The following NBEA variants were observed in gnomAD, a reference collection of about 807,000 sequenced individuals.
The protein encoded by NBEA is neurobeachin.
In NBEA, 44 loss-of-function variants were observed where a neutral mutation model predicts 343.4. The ratio of observed to expected loss-of-function variants is 0.13; its 90% CI spans 0.10 to 0.16. The LOEUF is 0.16. NBEA is among the 10% of genes least tolerant of loss of function. The pLI is 1.00. For missense variants in NBEA, 2,555 were observed against 3,631.3 expected, an observed-to-expected ratio of 0.70 and a Z score of 7.62; for synonymous variants, 1,175 against 1,238.7, an observed-to-expected ratio of 0.95 and a Z score of 1.08.
At chr13:35,359,223 A>G (rs1204797316) in intron 38 of NBEA, among the ~76,000 whole-genome samples, 1 of 152,196 alleles carries the variant, frequency 6.6e-6, no homozygotes, top group Non-Finnish European at 1.5e-5. Flanking sequence ...TAGTCACCTT[A>G]TTTATAGCTG....
At position 35,432,409 on chromosome 13, in the gene NBEA, T is replaced by G; in HGVS notation, c.6304+16T>G. The G allele has an allele frequency of 6.5e-7, 1 of 1,545,056 alleles. No individual in the cohort carries two copies. The highest frequency in any genetic ancestry group is 1.3e-5 in the South Asian group (1 of 79,324). ...ATAGAATATGGTTAGTACCAATGCT[T>G]CTTCCACAAAAATACTTCTGGATGT... is the stretch of plus-strand genomic sequence containing the variant. On this transcript the variant is annotated intron_variant, in intron 39 of 58. Transcript: ENST00000379939.
intron 51 of NBEA, 59 bp downstream of exon 51, chr13:35,646,407 C>A: frequency 8.2e-7 from 1 of 1,225,386 alleles, no homozygotes; most frequent in African/African-American, 1.5e-5. Context: ...GGGAATAGAG[C>A]AAATAAAATT....
chr13:35,040,218 GTTA>G (rs2062599626), intron 1 of NBEA, among the ~76,000 whole-genome samples: 1 of 151,978 alleles, frequency 6.6e-6, no homozygotes, highest in South Asian at 2.1e-4. Context: ...AGTAAAGAGT[GTTA>G]TTATGTTATT....
chr13:35,541,195 C>A (rs2078806836), intron 41 of NBEA, among the ~76,000 whole-genome samples: 1 of 151,896 alleles, frequency 6.6e-6, no homozygotes, highest in Non-Finnish European at 1.5e-5. Flanking sequence ...CCCCCACCCC[C>A]AGCACTGTGT....
At position 35,157,075 on chromosome 13, in the gene NBEA, T is replaced by G; in HGVS notation, c.2652-3T>G. 1 of 1,540,824 alleles carries G rather than the reference T, an allele frequency of 6.5e-7. No homozygotes were observed. The highest frequency in any genetic ancestry group is 2.3e-5 in the East Asian group (1 of 43,216). On this transcript the variant is annotated splice_polypyrimidine_tract_variant and splice_region_variant and intron_variant, in intron 20 of 58. Coordinates refer to ENST00000379939, the MANE Select transcript of NBEA (RefSeq NM_001385012.1). ...TAATGAGATCAAATTTTTTTCTCCC[T>G]AGATGCTTATTGCAGTGTTCAGTGT...
At chr13:35,330,805 A>G (rs1289149947) in intron 36 of NBEA, among the ~76,000 whole-genome samples, 2 of 152,034 alleles carry the variant, frequency 1.3e-5, no homozygotes, top group Middle Eastern at 3.2e-3. Context: ...TAATAGCTAT[A>G]TAGAGGGGAA....
Position 35,022,068 on chromosome 13 carries a change from T to C in NBEA, c.295-18865T>C, listed in dbSNP as rs555051714. 3.9e-5 allele frequency among the ~76,000 whole-genome samples: 6 copies of C among 152,262 alleles called. No individual in the cohort carries two copies. The East Asian group carries it at 1.2e-3, about 29-fold the overall frequency. On this transcript the variant is annotated intron_variant, in intron 1 of 58. Transcript: ENST00000379939. ...TCTTTTTTTGCTTTCATTTATGAAA[T>C]AGATTAGGATTTTTACTTGTTAGAC...
At chr13:35,227,546 G>A (rs529047432) in intron 33 of NBEA, among the ~76,000 whole-genome samples, 97 of 152,012 alleles carry the variant, frequency 6.4e-4, no homozygotes, top group African/African-American at 2.2e-3. Flanking sequence ...TTTCTTTTAT[G>A]TCTGAGTAAA....
rs1031098704 is a variant in NBEA at position 35,215,355 on chromosome 13, C to T, written c.5648+4176C>T. ...AAAACTCTTGTACTTATTTTTATGT[C>T]TTTTTAAATTTTTATGTTTTTCTAA... On this transcript the variant is annotated intron_variant, in intron 33 of 58. Coordinates refer to ENST00000379939, the MANE Select transcript of NBEA (RefSeq NM_001385012.1). Among the ~76,000 whole-genome samples the T allele has an allele frequency of 4.6e-5, 7 of 150,912 alleles. 1 individual carries two copies. In the South Asian group the frequency reaches 1.0e-3, roughly 22 times the overall value.
At chr13:35,549,402 G>T (rs9544614) in intron 41 of NBEA, among the ~76,000 whole-genome samples, 19,860 of 152,118 alleles carry the variant, frequency 0.13, 1,514 homozygotes, top group East Asian at 0.35. Context: ...TATAAGTGCG[G>T]TAGAGTATAC....
intron 1 of NBEA, among the ~76,000 whole-genome samples, chr13:34,987,623 A>G (rs886181727): frequency 6.6e-6 from 1 of 150,940 alleles, no homozygotes; most frequent in Non-Finnish European, 1.5e-5. Flanking sequence ...CATCACTTTT[A>G]GGTACACCAA....
rs73491573 is a variant in NBEA, at chr13:35,036,851, G to A, written c.295-4082G>A. ...CTTACTTTATTCTTGACCTTTGGGC[G>A]CTTGATTACTAAATGTCTTGAGGTA... On this transcript the variant is annotated intron_variant, in intron 1 of 58. Transcript: ENST00000379939. Among the ~76,000 whole-genome samples the A allele has an allele frequency of 6.8e-3, 1,041 of 152,038 alleles. 10 individuals carry two copies. Among genetic ancestry groups the A allele is most frequent in the African/African-American group, 0.022 (914 of 41,486 alleles).
At chr13:34,953,261 T>C (rs534943184) in intron 1 of NBEA, among the ~76,000 whole-genome samples, 15 of 152,352 alleles carry the variant, frequency 9.8e-5, no homozygotes, top group Middle Eastern at 3.4e-3. Flanking sequence ...GATTATAAAA[T>C]GTCATAGAAT....
intron 39 of NBEA, among the ~76,000 whole-genome samples, chr13:35,435,293 G>T (rs139209255): frequency 2.0e-5 from 3 of 152,086 alleles, no homozygotes; most frequent in Non-Finnish European, 4.4e-5. Context: ...GATTACAGGC[G>T]TGAGCCACTG....
At chr13:34,968,208 C>T (rs2059888328) in intron 1 of NBEA, among the ~76,000 whole-genome samples, 1 of 152,130 alleles carries the variant, frequency 6.6e-6, no homozygotes, top group Admixed American at 6.6e-5. Context: ...ACCACCCTCC[C>T]AGCAGATTGA....
rs1197974907 is a variant in NBEA at position 35,339,965 on chromosome 13, A to T, written c.5904-9143A>T. Among the ~76,000 whole-genome samples, 6 of 152,264 alleles carry T rather than the reference A, an allele frequency of 3.9e-5. No individual in the cohort carries two copies. The East Asian group carries it at 1.2e-3, about 29-fold the overall frequency. ...AAACCATATTAGGCACTATCAAAAAATTAGAAAATAATGAGTGTTAGTAAG... is the reference window on the plus strand; with the variant it reads ...AAACCATATTAGGCACTATCAAAAATTTAGAAAATAATGAGTGTTAGTAAG... On this transcript the variant is annotated intron_variant, in intron 36 of 58. Transcript: ENST00000379939.
chr13:35,480,127 A>G (rs2076063824), intron 41 of NBEA, among the ~76,000 whole-genome samples: 1 of 151,744 alleles, frequency 6.6e-6, no homozygotes. Context: ...ATTAGTGAAT[A>G]TAAAATAATT....
At chr13:35,599,000 T>C (rs1011646879) in intron 47 of NBEA, among the ~76,000 whole-genome samples, 1 of 152,190 alleles carries the variant, frequency 6.6e-6, no homozygotes, top group African/African-American at 2.4e-5. Context: ...GATGAAACCA[T>C]TGGTCACTTT....
rs532006068 is a variant in NBEA, at chr13:35,283,383, A to T, written c.5777-7006A>T. Among the ~76,000 whole-genome samples the T allele has an allele frequency of 3.3e-5, 5 of 152,314 alleles. No homozygotes were observed. The South Asian group carries it at 1.0e-3, about 32-fold the overall frequency. On this transcript the variant is annotated intron_variant, in intron 34 of 58. Coordinates refer to ENST00000379939, the MANE Select transcript of NBEA (RefSeq NM_001385012.1). ...AGCAATCTAAACATTCTGGGATTACAATTTAAAAGCACTTAGTCAACCATT... is the reference window on the plus strand; with the variant it reads ...AGCAATCTAAACATTCTGGGATTACTATTTAAAAGCACTTAGTCAACCATT...
Sources: gnomAD v4.1 joint callset for allele counts (sites outside exome capture counted in the v4.1 genomes callset) on GRCh38, gnomAD v4.1.1 for gene constraint, MANE v1.5 for transcripts, NCBI Gene and HGNC (gene_info 2026-07-23, HGNC 2026-07-21) for gene names.